ULK4: variants seen among roughly 807,000 people sequenced by gnomAD.
ULK4 encodes the protein unc-51 like kinase 4.
ULK4 carries 133 observed loss-of-function variants against 160.6 expected under a neutral mutation model. That is an observed-to-expected ratio of 0.83 (90% CI 0.72 to 0.96). The LOEUF is 0.96. Ranked by LOEUF, ULK4 falls within the 40% of genes least tolerant of loss-of-function variation. The pLI, the probability that ULK4 is intolerant of heterozygous loss-of-function variation, is 0.00. For synonymous variants in ULK4, 534 were observed against 539.8 expected (o/e 0.99, Z 0.15); for missense variants, 1,580 against 1,499.5 (o/e 1.05, Z -0.89).
intron 35 of ULK4, among the ~76,000 whole-genome samples, chr3:41,285,356 C>T (rs925743806): frequency 3.3e-5 from 5 of 152,016 alleles, no homozygotes; most frequent in South Asian, 2.1e-4. Context: ...CATCAATCAA[C>T]GAGTGGATAA....
At chr3:41,941,704 C>T (rs909665756) in intron 2 of ULK4, among the ~76,000 whole-genome samples, 4 of 125,808 alleles carry the variant, frequency 3.2e-5, no homozygotes, top group African/African-American at 1.1e-4. Flanking sequence ...CACAGTGAGC[C>T]GTGATCACAT....
intron 35 of ULK4, among the ~76,000 whole-genome samples, chr3:41,252,901 G>GA (rs200968594): frequency 9.3e-5 from 14 of 149,962 alleles, no homozygotes; most frequent in African/African-American, 2.9e-4. Context: ...AAAGTGGGCA[G>GA]AAAAAAAAAT....
chr3:41,765,093 A>C (rs562447406), intron 21 of ULK4, among the ~76,000 whole-genome samples: 1 of 152,326 alleles, frequency 6.6e-6, no homozygotes, highest in Non-Finnish European at 1.5e-5. Context: ...TGCTGCTATA[A>C]AAACACATGC....
At chr3:41,813,994 T>C (rs546259530) in intron 19 of ULK4, among the ~76,000 whole-genome samples, 1 of 152,310 alleles carries the variant, frequency 6.6e-6, no homozygotes, top group African/African-American at 2.4e-5. Context: ...GAAGTGATTC[T>C]CAGCCAGCGC....
At chr3:41,438,961 A>G (rs1466234550) in intron 34 of ULK4, among the ~76,000 whole-genome samples, 2 of 150,976 alleles carry the variant, frequency 1.3e-5, no homozygotes, top group Non-Finnish European at 2.9e-5. Flanking sequence ...CTGCACAAAT[A>G]AAACACCAGG....
chr3:41,276,561 T>C (rs1352768477), intron 35 of ULK4, among the ~76,000 whole-genome samples: 1 of 152,250 alleles, frequency 6.6e-6, no homozygotes, highest in African/African-American at 2.4e-5. Context: ...GAAACAGCTC[T>C]TTGTCTTCAG....
intron 32 of ULK4, among the ~76,000 whole-genome samples, chr3:41,500,574 G>C (rs1454818208): frequency 6.6e-6 from 1 of 152,084 alleles, no homozygotes; most frequent in African/African-American, 2.4e-5. Flanking sequence ...CAGACTTCTG[G>C]CCCAATCCCC....
intron 30 of ULK4, among the ~76,000 whole-genome samples, chr3:41,643,327 G>A (rs1251360918): frequency 6.6e-6 from 1 of 152,072 alleles, no homozygotes; most frequent in Non-Finnish European, 1.5e-5. Flanking sequence ...GGTTTTAGGT[G>A]TAACGTTTAA....
intron 20 of ULK4, among the ~76,000 whole-genome samples, chr3:41,792,298 T>C (rs1404480477): frequency 6.6e-6 from 1 of 152,140 alleles, no homozygotes; most frequent in Non-Finnish European, 1.5e-5. Flanking sequence ...TGTGTGTGTA[T>C]AGAAAGTAAT....
rs184496888 is a variant in ULK4, at chr3:41,555,264, A to T, written c.3226+10761T>A. On this transcript the variant is annotated intron_variant, in intron 32 of 36. Transcript: ENST00000301831. ...GCAAAAGTACAAATTTTTGCAAACT[A>T]TGCATCTGACAAAGGCCTAATGTCC... is the stretch of plus-strand genomic sequence containing the variant. Among the ~76,000 whole-genome samples the T allele has an allele frequency of 2.9e-3, 439 of 152,072 alleles. 2 individuals carry two copies. Among genetic ancestry groups the T allele is most frequent in the African/African-American group, 9.7e-3 (403 of 41,500 alleles).
At chr3:41,563,777 T>C (rs887822710) in intron 32 of ULK4, among the ~76,000 whole-genome samples, 56 of 152,152 alleles carry the variant, frequency 3.7e-4, no homozygotes, top group African/African-American at 1.3e-3. Flanking sequence ...TTTTCAAGGT[T>C]TTTAGCTTCC....
At chr3:41,775,326 T>C (rs2039567476) in intron 21 of ULK4, among the ~76,000 whole-genome samples, 1 of 150,538 alleles carries the variant, frequency 6.6e-6, no homozygotes, top group Non-Finnish European at 1.5e-5. Context: ...GTAAACAAAA[T>C]TTACAGTATT....
intron 35 of ULK4, among the ~76,000 whole-genome samples, chr3:41,351,676 G>A (rs2080912435): frequency 6.6e-6 from 1 of 152,176 alleles, no homozygotes; most frequent in African/African-American, 2.4e-5. Flanking sequence ...ACAAATCCAA[G>A]TTTCTGCCTT....
In ULK4 at chr3:41,868,776, T is replaced by C. The variant is rs1291771554; in HGVS notation, c.1656+15098A>G. 7.2e-5 allele frequency among the ~76,000 whole-genome samples: 11 copies of C among 152,164 alleles called. No individual in the cohort carries two copies. The South Asian group carries it at 2.3e-3, about 32-fold the overall frequency. On this transcript the variant is annotated intron_variant, in intron 17 of 36. Transcript: ENST00000301831. ...CCTCCCTGTATGCTGGGATTACAGG[T>C]GTGAGCCACTGGACCAGCTAGGTCT...
intron 21 of ULK4, among the ~76,000 whole-genome samples, chr3:41,768,872 C>T (rs17062109): frequency 0.3 from 45,057 of 151,974 alleles, 9,324 homozygotes; most frequent in African/African-American, 0.59. Flanking sequence ...TAGTAAGTGA[C>T]AGTGAGGTAT....
intron 35 of ULK4, among the ~76,000 whole-genome samples, chr3:41,348,397 CCCA>C (rs1385648947): frequency 6.6e-6 from 1 of 151,962 alleles, no homozygotes; most frequent in Non-Finnish European, 1.5e-5. Flanking sequence ...TTAGTGTGTG[CCCA>C]CCAAGTGCAG....
At position 41,280,143 on chromosome 3, in the gene ULK4, AC is replaced by A. The variant is rs955308228; in HGVS notation, c.3679-30570del. On this transcript the variant is annotated intron_variant, in intron 35 of 36. Coordinates refer to ENST00000301831, the MANE Select transcript of ULK4 (RefSeq NM_017886.4). ...ATATATATGCACCCAATACAGGAGC[AC>A]CCAGATTCATAAAGCAAGTCCTTAG... 3.3e-5 allele frequency among the ~76,000 whole-genome samples: 5 copies of A among 152,344 alleles called. No homozygotes were observed. In the East Asian group the frequency reaches 5.8e-4, roughly 18 times the overall value.
chr3:41,397,520 G>T (rs928553005), intron 35 of ULK4, among the ~76,000 whole-genome samples: 1 of 152,108 alleles, frequency 6.6e-6, no homozygotes. Flanking sequence ...ACCTAATCGT[G>T]AAGAAACATC....
At chr3:41,816,581 G>A (rs373994671) in intron 19 of ULK4, among the ~76,000 whole-genome samples, 28 of 152,236 alleles carry the variant, frequency 1.8e-4, no homozygotes, top group Admixed American at 4.6e-4. Context: ...CTGGGAGGCC[G>A]AGGGAGGTGG....
Sources: gnomAD v4.1 joint callset for allele counts (sites outside exome capture counted in the v4.1 genomes callset) on GRCh38, gnomAD v4.1.1 for gene constraint, MANE v1.5 for transcripts, NCBI Gene and HGNC (gene_info 2026-07-23, HGNC 2026-07-21) for gene names.